PRPS2: variants seen among roughly 807,000 people sequenced by gnomAD.
PRPS2 encodes the protein phosphoribosyl pyrophosphate synthetase 2, also known as ribose-phosphate pyrophosphokinase 2.
For missense variants in PRPS2, 104 were observed against 271.5 expected (o/e 0.38, Z 4.34); for synonymous variants, 111 against 115.3 (o/e 0.96, Z 0.24).
chrX:12,810,850 TA>T (rs540857235), intron 4 of PRPS2, among the ~76,000 whole-genome samples: 343 of 89,249 alleles, frequency 3.8e-3, no homozygotes, highest in Admixed American at 4.0e-3. Flanking sequence ...ACCCTGACTC[TA>T]AAAAAAAAAA....
At chrX:12,797,773 G>A (rs2042551561) in intron 1 of PRPS2, among the ~76,000 whole-genome samples, 1 of 112,267 alleles carries the variant, frequency 8.9e-6, no homozygotes, top group Admixed American at 9.4e-5. Flanking sequence ...AAAGGAATAT[G>A]CCAGGGATGA....
intron 5 of PRPS2, 67 bp downstream of exon 5, chrX:12,819,747 A>C: frequency 8.9e-7 from 1 of 1,117,536 alleles, no homozygotes; most frequent in Non-Finnish European, 1.2e-6. Flanking sequence ...CAGCTTTTAG[A>C]AATTGGGCTC....
chrX:12,799,469 A>G (rs1014875649), intron 2 of PRPS2, 79 bp downstream of exon 2: 121 of 995,594 alleles, frequency 1.2e-4, no homozygotes, highest in Non-Finnish European at 1.4e-4. Context: ...CCTTGATTAG[A>G]ATTATCTGGA....
rs1477862473 is a variant in PRPS2 at position 12,808,549 on chromosome X, C to G, written c.307-685C>G. Reference sequence around the variant, plus strand: ...AAAAGTTAGGTAATTTTACAAAGAACATAATATCAGTAAATGACACTAAGT... The same window carrying G: ...AAAAGTTAGGTAATTTTACAAAGAAGATAATATCAGTAAATGACACTAAGT... On this transcript the variant is annotated intron_variant, in intron 2 of 6. Transcript: ENST00000380668. 8.9e-5 allele frequency among the ~76,000 whole-genome samples: 10 copies of G among 112,221 alleles called. No homozygotes were observed. The Admixed American group carries it at 9.4e-4, about 11-fold the overall frequency.
At chrX:12,810,235 A>T (rs1336235011) in intron 4 of PRPS2, 89 bp downstream of exon 4, 1 of 1,138,786 alleles carries the variant, frequency 8.8e-7, no homozygotes, top group Non-Finnish European at 1.2e-6. Flanking sequence ...CATGCTGTAA[A>T]TTACTTAAAG....
chrX:12,804,882 T>G (rs888474663), intron 2 of PRPS2, among the ~76,000 whole-genome samples: 1 of 111,161 alleles, frequency 9.0e-6, no homozygotes, highest in Non-Finnish European at 1.9e-5. Flanking sequence ...TTCCTTCCCT[T>G]AGGGCTGTAT....
At chrX:12,820,416 C>T (rs1157042400) in intron 5 of PRPS2, among the ~76,000 whole-genome samples, 1 of 111,220 alleles carries the variant, frequency 9.0e-6, no homozygotes, top group East Asian at 2.8e-4. Flanking sequence ...GCCCCCGTGA[C>T]AAAGAATTAT....
At chrX:12,795,757 A>G (rs763635503) in intron 1 of PRPS2, among the ~76,000 whole-genome samples, 1 of 112,521 alleles carries the variant, frequency 8.9e-6, no homozygotes, top group African/African-American at 3.2e-5. Context: ...CAATACTCCT[A>G]TACTGGGGAT....
At chrX:12,810,271 G>T in intron 4 of PRPS2, 125 bp downstream of exon 4, 1 of 882,917 alleles carries the variant, frequency 1.1e-6, no homozygotes, top group South Asian at 2.6e-5. Context: ...GAGCAAGTAA[G>T]TAGACCGCAG....
At chrX:12,819,469 G>A (rs2042665374) in intron 4 of PRPS2, 38 bp from the exon 5 acceptor site, 6 of 1,179,518 alleles carry the variant, frequency 5.1e-6, no homozygotes, top group Non-Finnish European at 6.9e-6. Context: ...GAGATCTCTA[G>A]TTGACTGTAT....
In PRPS2 at chrX:12,809,290, G is replaced by C; in HGVS notation, c.363G>C (p.Ala121=). Residue 121 remains alanine, a synonymous_variant, in exon 3 of 7, where the codon GCG becomes GCC. Transcript: ENST00000380668. The stretch of plus-strand genomic sequence containing the variant: ...CCAATATGCTGTCGGTGGCTGGGGC[G>C]GATCACATCATCACCATGGACCTGC... ...LVANMLSVAG[A]DHIITMDLHA... 1 of 1,210,056 alleles carries C rather than the reference G, an allele frequency of 8.3e-7. No individual in the cohort carries two copies. Among genetic ancestry groups the C allele is most frequent in the Non-Finnish European group, 1.1e-6 (1 of 894,998 alleles).
At chrX:12,792,019 G>A (rs1023264700) in intron 1 of PRPS2, among the ~76,000 whole-genome samples, 1 of 113,311 alleles carries the variant, frequency 8.8e-6, no homozygotes, top group Non-Finnish European at 1.9e-5. Context: ...TCAGCGCGCG[G>A]TGGAGAGACG....
chrX:12,816,259 T>TATG (rs2042647304), intron 4 of PRPS2, among the ~76,000 whole-genome samples: 1 of 111,836 alleles, frequency 8.9e-6, no homozygotes, highest in Admixed American at 9.5e-5. Flanking sequence ...CCTTTTCTTT[T>TATG]ATGATAATTG....
chrX:12,803,747 A>AT (rs1260381875), intron 2 of PRPS2, among the ~76,000 whole-genome samples: 1 of 112,369 alleles, frequency 8.9e-6, no homozygotes, highest in East Asian at 2.8e-4. Context: ...GGGCTCTGAT[A>AT]TTTTTGGGGC....
Position 12,803,185 on chromosome X carries a change from C to A in PRPS2, c.306+3795C>A, listed in dbSNP as rs181434796. ...GCTCCTCCTTCCTTGCCTCTTCTAG[C>A]TCCTGGTGACTGCCAGCCTTGAGGC... On this transcript the variant is annotated intron_variant, in intron 2 of 6. Coordinates refer to ENST00000380668, the MANE Select transcript of PRPS2 (RefSeq NM_002765.5). 6.0e-4 allele frequency among the ~76,000 whole-genome samples: 67 copies of A among 112,480 alleles called. 1 individual carries two copies. The highest frequency in any genetic ancestry group is 2.0e-3 in the Admixed American group (21 of 10,681).
intron 1 of PRPS2, among the ~76,000 whole-genome samples, chrX:12,794,174 G>A (rs777745628): frequency 6.2e-5 from 7 of 112,572 alleles, no homozygotes; most frequent in African/African-American, 1.9e-4. Flanking sequence ...TGTTTTTGCC[G>A]CGTATGGTCA....
chrX:12,816,787 C>G (rs1474793960), intron 4 of PRPS2, among the ~76,000 whole-genome samples: 1 of 111,734 alleles, frequency 8.9e-6, no homozygotes, highest in East Asian at 2.8e-4. Context: ...AAGTTGCATT[C>G]TTTAAGTGGT....
At chrX:12,806,996 C>T (rs957573239) in intron 2 of PRPS2, among the ~76,000 whole-genome samples, 3 of 110,464 alleles carry the variant, frequency 2.7e-5, no homozygotes, top group African/African-American at 9.9e-5. Context: ...GTGGAGGTTG[C>T]GGTGAGCCGA....
At chrX:12,820,885 TG>T in intron 6 of PRPS2, 82 bp downstream of exon 6, 1 of 1,043,128 alleles carries the variant, frequency 9.6e-7, no homozygotes, top group East Asian at 3.1e-5. Flanking sequence ...CTTGTGTGTG[TG>T]TGGCTCCTTG....
Sources: allele counts gnomAD v4.1 joint callset (sites outside exome capture counted in the v4.1 genomes callset), GRCh38; gene constraint gnomAD v4.1.1; transcripts MANE v1.5; gene names NCBI Gene and HGNC (gene_info 2026-07-23, HGNC 2026-07-21).